HOMER2: variants seen among roughly 807,000 people sequenced by gnomAD.
HOMER2 encodes homer protein homolog 2.
Under a neutral mutation model 47.0 loss-of-function variants are expected in HOMER2, and 27 were observed. The ratio of observed to expected loss-of-function variants is 0.57; its 90% CI spans 0.42 to 0.79. The LOEUF is 0.79. Among genes scored for constraint, HOMER2 ranks in the 30% least tolerant of loss-of-function variants. HOMER2 has a pLI of 0.00. For synonymous variants in HOMER2, 161 were observed against 163.8 expected (o/e 0.98, Z 0.13); for missense variants, 443 against 435.0 (o/e 1.02, Z -0.16).
At chr15:82,873,409 C>A (rs2052240836) in intron 3 of HOMER2, among the ~76,000 whole-genome samples, 1 of 152,228 alleles carries the variant, frequency 6.6e-6, no homozygotes, top group South Asian at 2.1e-4. Flanking sequence ...GAACTCACTT[C>A]TCTGCATATG....
At chr15:82,880,608 G>C (rs1264745648) in intron 2 of HOMER2, among the ~76,000 whole-genome samples, 1 of 152,198 alleles carries the variant, frequency 6.6e-6, no homozygotes, top group Non-Finnish European at 1.5e-5. Context: ...CTAATCTTCA[G>C]AGTGGGCAGA....
At chr15:82,857,525 G>A (rs989720135) in intron 5 of HOMER2, among the ~76,000 whole-genome samples, 2 of 146,924 alleles carry the variant, frequency 1.4e-5, no homozygotes, top group Non-Finnish European at 3.0e-5. Context: ...CCGCCTCCCG[G>A]GTTCAAGTAA....
At chr15:82,844,635 T>TC (rs1345952652), downstream of HOMER2, 1 of 152,206 alleles carries the variant, frequency 6.6e-6, no homozygotes, top group African/African-American at 2.4e-5. Context: ...TTGGTTTTTT[T>TC]CCCACTCATC....
At chr15:82,850,898 C>T (rs931777582) in intron 8 of HOMER2, among the ~76,000 whole-genome samples, 4 of 152,200 alleles carry the variant, frequency 2.6e-5, no homozygotes, top group African/African-American at 4.8e-5. Flanking sequence ...AGGAAACAGT[C>T]GTCTACACTG....
chr15:82,861,545 C>G (rs866488778), intron 4 of HOMER2, among the ~76,000 whole-genome samples: 19 of 152,050 alleles, frequency 1.2e-4, no homozygotes, highest in African/African-American at 3.9e-4. Flanking sequence ...TATATTTTTC[C>G]TTTATACAAT....
At chr15:82,949,517 G>C (rs2054459006) in intron 1 of HOMER2, among the ~76,000 whole-genome samples, 1 of 152,148 alleles carries the variant, frequency 6.6e-6, no homozygotes, top group African/African-American at 2.4e-5. Context: ...GGTCACCCAA[G>C]ACCCTGGCAG....
At chr15:82,939,880 C>T (rs754279750) in intron 1 of HOMER2, among the ~76,000 whole-genome samples, 27 of 151,920 alleles carry the variant, frequency 1.8e-4, no homozygotes, top group African/African-American at 4.1e-4. Context: ...TGGAATACTA[C>T]GCAGCAATAA....
At chr15:82,840,716 A>T (rs2051168000) in exon 2 of HOMER2, 1 of 152,156 alleles carries the variant, frequency 6.6e-6, no homozygotes, top group Non-Finnish European at 1.5e-5. Context: ...GATTACAAGC[A>T]TGAGCCACTG....
chr15:82,864,484 G>C (rs1596310153), intron 3 of HOMER2, among the ~76,000 whole-genome samples: 1 of 152,172 alleles, frequency 6.6e-6, no homozygotes, highest in South Asian at 2.1e-4. Flanking sequence ...CTAGTTTGAT[G>C]ATGATGTATT....
chr15:82,939,723 G>C (rs2054221576), intron 1 of HOMER2, among the ~76,000 whole-genome samples: 4 of 152,084 alleles, frequency 2.6e-5, no homozygotes, highest in Admixed American at 2.0e-4. Context: ...CTCAAGCTTG[G>C]TTTCCAACTC....
chr15:82,846,336 C>A (rs992141267), downstream of HOMER2: 2 of 152,256 alleles, frequency 1.3e-5, no homozygotes, highest in Non-Finnish European at 2.9e-5. Context: ...AAGATTCCTG[C>A]AAAACCAGAA....
intron 1 of HOMER2, among the ~76,000 whole-genome samples, chr15:82,966,686 C>T (rs956036977): frequency 1.3e-5 from 2 of 152,170 alleles, no homozygotes; most frequent in Admixed American, 1.3e-4. Flanking sequence ...TGGGACCTCT[C>T]GGATTAGGAT....
At chr15:82,901,618 C>T (rs2053120796) in intron 1 of HOMER2, among the ~76,000 whole-genome samples, 1 of 152,290 alleles carries the variant, frequency 6.6e-6, no homozygotes, top group Non-Finnish European at 1.5e-5. Context: ...GCAAGGGCCA[C>T]TGTGTGGCAC....
At chr15:82,928,470 T>C (rs2053912986) in intron 1 of HOMER2, among the ~76,000 whole-genome samples, 1 of 152,204 alleles carries the variant, frequency 6.6e-6, no homozygotes, top group Non-Finnish European at 1.5e-5. Context: ...TCCAGCTCTC[T>C]TTTGGTTAGA....
rs535238754 is a variant in HOMER2 at position 82,849,295 on chromosome 15, G to C, written c.*420C>G. ...TGTTGTTCTCTCTGTGCCCCCCGGG[G>C]CTGGTGTCTGGTGGACATTCAAATA... On this transcript the variant is annotated 3_prime_UTR_variant, in exon 9 of 9. Coordinates refer to ENST00000450735, the MANE Select transcript of HOMER2 (RefSeq NM_004839.4). 135 of 157,248 alleles carry C rather than the reference G, an allele frequency of 8.6e-4. 3 individuals carry two copies. The South Asian group carries it at 0.025, about 30-fold the overall frequency. 9.7% of individuals were successfully genotyped at this position (157,248 alleles called of 1,614,324 possible).
At chr15:82,937,633 T>A (rs1411104849) in intron 1 of HOMER2, among the ~76,000 whole-genome samples, 2 of 152,086 alleles carry the variant, frequency 1.3e-5, no homozygotes, top group Non-Finnish European at 2.9e-5. Flanking sequence ...AGAATTTTAA[T>A]GCATTTTTCA....
intron 1 of HOMER2, among the ~76,000 whole-genome samples, chr15:82,907,998 C>T (rs1190954805): frequency 6.6e-6 from 1 of 152,098 alleles, no homozygotes; most frequent in Non-Finnish European, 1.5e-5. Flanking sequence ...AAGGCAGTCA[C>T]AAAATGCCAG....
downstream of HOMER2, chr15:82,847,115 G>A (rs1230262145): frequency 2.0e-5 from 3 of 152,216 alleles, no homozygotes; most frequent in African/African-American, 7.2e-5. Flanking sequence ...ATGCTCACGA[G>A]TGAATGGCTT....
intron 1 of HOMER2, among the ~76,000 whole-genome samples, chr15:82,943,242 A>T (rs2054302694): frequency 6.6e-6 from 1 of 152,206 alleles, no homozygotes; most frequent in Non-Finnish European, 1.5e-5. Context: ...GAGAGAGAAA[A>T]TATGTCATCT....
Sources: gnomAD v4.1 joint callset for allele counts (sites outside exome capture counted in the v4.1 genomes callset) on GRCh38, gnomAD v4.1.1 for gene constraint, MANE v1.5 for transcripts, NCBI Gene and HGNC (gene_info 2026-07-23, HGNC 2026-07-21) for gene names.